Variants in ZCWPW2 observed in about 807,000 individuals in gnomAD.
The protein encoded by ZCWPW2 is zinc finger CW-type PWWP domain protein 2.
A neutral mutation model predicts 46.6 loss-of-function variants in ZCWPW2; 45 were observed. That is an observed-to-expected ratio of 0.96 (90% CI 0.76 to 1.24). ZCWPW2 has a LOEUF of 1.24. ZCWPW2 is among the 50% of genes most tolerant of loss of function. The pLI is 0.00. For synonymous variants in ZCWPW2, 152 were observed against 137.1 expected (o/e 1.11, Z -0.76); for missense variants, 429 against 403.9 (o/e 1.06, Z -0.53).
chr3:28,481,590 A>G (rs1273605921), intron 5 of ZCWPW2, among the ~76,000 whole-genome samples: 1 of 152,244 alleles, frequency 6.6e-6, no homozygotes, highest in Non-Finnish European at 1.5e-5. Flanking sequence ...TGATCATTTT[A>G]TATTTTACAA....
chr3:28,491,208 C>G (rs908712545), intron 5 of ZCWPW2, among the ~76,000 whole-genome samples: 1 of 151,812 alleles, frequency 6.6e-6, no homozygotes, highest in Non-Finnish European at 1.5e-5. Flanking sequence ...AAAGGGTGTT[C>G]CAGAAAGAGG....
chr3:28,503,515 T>C (rs1270169344), intron 6 of ZCWPW2, among the ~76,000 whole-genome samples: 1 of 152,148 alleles, frequency 6.6e-6, no homozygotes, highest in East Asian at 1.9e-4. Context: ...AAAACCAGTA[T>C]TACCAATCAA....
intron 1 of ZCWPW2, among the ~76,000 whole-genome samples, chr3:28,379,325 A>G (rs1705595503): frequency 6.6e-6 from 1 of 152,226 alleles, no homozygotes; most frequent in African/African-American, 2.4e-5. Flanking sequence ...AAAGATTTAG[A>G]ATAATCACTG....
At chr3:28,397,760 C>T (rs904645946) in intron 2 of ZCWPW2, among the ~76,000 whole-genome samples, 1 of 152,104 alleles carries the variant, frequency 6.6e-6, no homozygotes, top group Non-Finnish European at 1.5e-5. Context: ...ACTTTTCTTA[C>T]TTTTTATTTA....
chr3:28,478,624 ATTAAC>A (rs1275688565), intron 4 of ZCWPW2, among the ~76,000 whole-genome samples, 185 bp from the exon 5 acceptor site: 1 of 152,122 alleles, frequency 6.6e-6, no homozygotes, highest in Non-Finnish European at 1.5e-5. Context: ...CCCTTTGACT[ATTAAC>A]TTGCAAAATT....
intron 1 of ZCWPW2, among the ~76,000 whole-genome samples, chr3:28,382,162 CAAAAA>C (rs1237903671): frequency 2.5e-5 from 2 of 81,370 alleles, no homozygotes; most frequent in Non-Finnish European, 5.0e-5. Context: ...AACTGCATCT[CAAAAA>C]AAAAAAAAAA....
intron 6 of ZCWPW2, among the ~76,000 whole-genome samples, chr3:28,494,420 T>A (rs1472505081): frequency 1.4e-5 from 2 of 140,644 alleles, no homozygotes; most frequent in Admixed American, 7.3e-5. Context: ...CCTTTCCCCA[T>A]TGCTTGTTTT....
At chr3:28,512,107 A>G (rs1700442664) in intron 6 of ZCWPW2, among the ~76,000 whole-genome samples, 2 of 151,950 alleles carry the variant, frequency 1.3e-5, no homozygotes, top group African/African-American at 2.4e-5. Flanking sequence ...TATGGTGTCT[A>G]TTACAGCCTA....
intron 5 of ZCWPW2, among the ~76,000 whole-genome samples, chr3:28,479,534 A>G (rs1212905315): frequency 1.3e-5 from 2 of 152,168 alleles, no homozygotes; most frequent in South Asian, 4.1e-4. Context: ...GTATATATTT[A>G]ACTTCTAAGT....
At chr3:28,515,660 A>C in intron 8 of ZCWPW2, 39 bp downstream of exon 8, 1 of 1,543,742 alleles carries the variant, frequency 6.5e-7, no homozygotes. Context: ...TCTTTAACCT[A>C]TATATAATTC....
chr3:28,431,774 C>G (rs191374243), intron 3 of ZCWPW2, among the ~76,000 whole-genome samples: 2 of 151,964 alleles, frequency 1.3e-5, no homozygotes. Context: ...GGTCTAGATA[C>G]GTGCTTGGTG....
intron 1 of ZCWPW2, among the ~76,000 whole-genome samples, chr3:28,356,132 G>A (rs1307634249): frequency 8.5e-5 from 13 of 152,100 alleles, no homozygotes; most frequent in South Asian, 2.1e-4. Flanking sequence ...CAGAATCGAC[G>A]AAGAACTTAA....
chr3:28,470,687 A>G (rs1327126422), intron 4 of ZCWPW2, among the ~76,000 whole-genome samples: 1 of 152,084 alleles, frequency 6.6e-6, no homozygotes, highest in Non-Finnish European at 1.5e-5. Flanking sequence ...AAAGTACTAA[A>G]AAAGCAAGAG....
intron 6 of ZCWPW2, among the ~76,000 whole-genome samples, chr3:28,497,196 A>C (rs1384327781): frequency 6.6e-6 from 1 of 150,916 alleles, no homozygotes; most frequent in African/African-American, 2.4e-5. Context: ...AGTGGTCAAC[A>C]TCCCTATGCC....
Position 28,381,156 on chromosome 3 carries a change from A to C in ZCWPW2, c.-133-9342A>C, listed in dbSNP as rs886642435. ...AGGATGGCAGATGGGGAAGTACTTC[A>C]TTTAATAGAAAATAAAATTCCTTAC... On this transcript the variant is annotated intron_variant, in intron 1 of 9. Coordinates refer to ENST00000383768, the MANE Select transcript of ZCWPW2 (RefSeq NM_001040432.4). Among the ~76,000 whole-genome samples, 5 of 146,952 alleles carry C rather than the reference A, an allele frequency of 3.4e-5. No homozygotes were observed. In the South Asian group the frequency reaches 1.1e-3, roughly 32 times the overall value.
At chr3:28,431,861 T>C (rs1697271128) in intron 3 of ZCWPW2, among the ~76,000 whole-genome samples, 1 of 152,166 alleles carries the variant, frequency 6.6e-6, no homozygotes, top group Admixed American at 6.5e-5. Flanking sequence ...AGAGGTTTAA[T>C]TGACTCACAG....
chr3:28,380,134 C>T (rs1186046047), intron 1 of ZCWPW2, among the ~76,000 whole-genome samples: 1 of 151,984 alleles, frequency 6.6e-6, no homozygotes, highest in South Asian at 2.1e-4. Flanking sequence ...AGGTGCCCAC[C>T]ACCATGCCTG....
intron 2 of ZCWPW2, among the ~76,000 whole-genome samples, chr3:28,409,603 C>T (rs1696315078): frequency 6.6e-6 from 1 of 152,080 alleles, no homozygotes; most frequent in African/African-American, 2.4e-5. Context: ...GAGATAAAGG[C>T]ACAAAGGTCA....
chr3:28,507,507 G>C (rs1054450299), intron 6 of ZCWPW2, among the ~76,000 whole-genome samples: 15 of 149,218 alleles, frequency 1.0e-4, no homozygotes, highest in African/African-American at 3.7e-4. Flanking sequence ...TTTTTTTTGA[G>C]ATGGTGTCTC....
Sources: gnomAD v4.1 joint callset for allele counts (sites outside exome capture counted in the v4.1 genomes callset) on GRCh38, gnomAD v4.1.1 for gene constraint, MANE v1.5 for transcripts, NCBI Gene and HGNC (gene_info 2026-07-23, HGNC 2026-07-21) for gene names.